The following GAB1 variants were observed in gnomAD, a reference collection of about 807,000 sequenced individuals.
GAB1 encodes GRB2 associated binding protein 1.
Under a neutral mutation model 66.5 loss-of-function variants are expected in GAB1, and 19 were observed. The ratio of observed to expected loss-of-function variants is 0.29; its 90% CI spans 0.20 to 0.42. GAB1 has a LOEUF of 0.42. Among genes scored for constraint, GAB1 ranks in the 10% least tolerant of loss-of-function variants. The pLI is 1.00. For synonymous variants in GAB1, 294 were observed against 301.4 expected, an observed-to-expected ratio of 0.98 and a Z score of 0.25; for missense variants, 732 against 858.5, an observed-to-expected ratio of 0.85 and a Z score of 1.84.
At chr4:143,433,357 G>A in intron 2 of GAB1, 134 bp from the exon 3 acceptor site, 1 of 657,014 alleles carries the variant, frequency 1.5e-6, no homozygotes, top group Non-Finnish European at 2.7e-6. Flanking sequence ...CATTTAGATA[G>A]TGTTTGTTTT....
chr4:143,357,600 A>G (rs2149653940), intron 1 of GAB1, among the ~76,000 whole-genome samples: 1 of 152,200 alleles, frequency 6.6e-6, no homozygotes. Flanking sequence ...TAGGGATGAC[A>G]GTGTGATGAG....
At chr4:143,449,529 C>G (rs1734781036) in intron 6 of GAB1, among the ~76,000 whole-genome samples, 1 of 152,146 alleles carries the variant, frequency 6.6e-6, no homozygotes, top group South Asian at 2.1e-4. Context: ...GAATTGATCT[C>G]TTTACCATTA....
intron 5 of GAB1, 72 bp downstream of exon 5, chr4:143,439,959 C>CT: frequency 1.4e-6 from 2 of 1,390,484 alleles, no homozygotes; most frequent in South Asian, 2.3e-5. Flanking sequence ...TGCCATGAGA[C>CT]TAAGTGATAT....
At chr4:143,416,482 A>T (rs1732698680) in intron 2 of GAB1, among the ~76,000 whole-genome samples, 1 of 151,746 alleles carries the variant, frequency 6.6e-6, no homozygotes, top group African/African-American at 2.4e-5. Flanking sequence ...AAACTATATT[A>T]GATTATGGCC....
At chr4:143,399,359 T>G (rs1457672646) in intron 1 of GAB1, among the ~76,000 whole-genome samples, 6 of 152,192 alleles carry the variant, frequency 3.9e-5, no homozygotes, top group Non-Finnish European at 5.9e-5. Context: ...AAACAAAAGT[T>G]TTGGCTTTAG....
intron 1 of GAB1, chr4:143,350,150 A>G: frequency 1.2e-6 from 1 of 807,078 alleles, no homozygotes; most frequent in South Asian, 1.6e-5. Context: ...GCTGATTTTT[A>G]AAAGAAAATA....
intron 4 of GAB1, among the ~76,000 whole-genome samples, chr4:143,439,417 C>T (rs1311066175): frequency 6.6e-6 from 1 of 152,160 alleles, no homozygotes; most frequent in Non-Finnish European, 1.5e-5. Context: ...CATTCAATAA[C>T]AGTATCTAAC....
At chr4:143,358,078 C>T (rs1729518791) in intron 1 of GAB1, among the ~76,000 whole-genome samples, 1 of 151,926 alleles carries the variant, frequency 6.6e-6, no homozygotes, top group Admixed American at 6.6e-5. Flanking sequence ...TAAACCAAGC[C>T]CTAAATTTTC....
intron 1 of GAB1, among the ~76,000 whole-genome samples, chr4:143,375,937 G>A (rs548599338): frequency 4.3e-4 from 65 of 152,194 alleles, no homozygotes; most frequent in African/African-American, 1.2e-3. Flanking sequence ...CAAAATAGCC[G>A]CCCCCTAATT....
intron 3 of GAB1, among the ~76,000 whole-genome samples, chr4:143,436,114 A>G (rs917704930): frequency 2.6e-5 from 4 of 152,250 alleles, no homozygotes; most frequent in African/African-American, 9.6e-5. Context: ...CCACAAAGGG[A>G]CAGTGCAAGT....
chr4:143,348,427 CAGA>C (rs1414205689), intron 1 of GAB1, among the ~76,000 whole-genome samples: 1 of 152,238 alleles, frequency 6.6e-6, no homozygotes. Flanking sequence ...GTGGCTCAGC[CAGA>C]AGGTTTTCTT....
chr4:143,370,041 A>G (rs1404085418), intron 1 of GAB1, among the ~76,000 whole-genome samples: 2 of 152,214 alleles, frequency 1.3e-5, no homozygotes, highest in Non-Finnish European at 2.9e-5. Flanking sequence ...TGGCATAAGC[A>G]CTCACTTAGG....
intron 1 of GAB1, among the ~76,000 whole-genome samples, chr4:143,351,364 G>T (rs1260946075): frequency 6.6e-6 from 1 of 152,166 alleles, no homozygotes; most frequent in Non-Finnish European, 1.5e-5. Flanking sequence ...CTCTTCTCCA[G>T]CTTCTCCGGC....
rs527446233 is a variant in GAB1 at position 143,458,066 on chromosome 4, G to A, written c.1586-1319G>A. 7.9e-5 allele frequency among the ~76,000 whole-genome samples: 12 copies of A among 152,170 alleles called. No individual in the cohort carries two copies. The East Asian group carries it at 1.9e-3, about 24-fold the overall frequency. On this transcript the variant is annotated intron_variant, in intron 6 of 9. Transcript: ENST00000262994. The stretch of plus-strand genomic sequence containing the variant: ...TATCCTTTCAGTTTGTGAACTGTTT[G>A]TGATTTTCTGTTGTCTTCTGTCTTT...
intron 1 of GAB1, among the ~76,000 whole-genome samples, chr4:143,408,374 ATTC>A: frequency 6.6e-6 from 1 of 152,314 alleles, no homozygotes. Flanking sequence ...CATCTGACCT[ATTC>A]TTAGTTATCA....
At chr4:143,457,157 G>C (rs1205263590) in intron 6 of GAB1, among the ~76,000 whole-genome samples, 1 of 152,178 alleles carries the variant, frequency 6.6e-6, no homozygotes, top group Non-Finnish European at 1.5e-5. Flanking sequence ...TCTTGTTCAG[G>C]AGGTGCAGGA....
intron 1 of GAB1, 72 bp downstream of exon 1, chr4:143,337,332 C>G (rs1387496319): frequency 7.6e-7 from 1 of 1,315,950 alleles, no homozygotes; most frequent in African/African-American, 1.5e-5. Flanking sequence ...TCGCCGGCGG[C>G]TGCAGCTGGC....
At chr4:143,463,622 CAAA>C (rs76973454) in intron 8 of GAB1, among the ~76,000 whole-genome samples, 4 of 66,322 alleles carry the variant, frequency 6.0e-5, no homozygotes, top group Admixed American at 1.8e-4. Context: ...GACTCCATCT[CAAA>C]AAAAAAAAAA....
At chr4:143,420,144 C>A (rs78519026) in intron 2 of GAB1, among the ~76,000 whole-genome samples, 2 of 152,166 alleles carry the variant, frequency 1.3e-5, no homozygotes, top group East Asian at 3.9e-4. Flanking sequence ...TTGTTTTTAT[C>A]TAGATCTGTC....
Sources: gnomAD v4.1 joint callset for allele counts (sites outside exome capture counted in the v4.1 genomes callset) on GRCh38, gnomAD v4.1.1 for gene constraint, MANE v1.5 for transcripts, NCBI Gene and HGNC (gene_info 2026-07-23, HGNC 2026-07-21) for gene names.